ATN1: variants seen among roughly 807,000 people sequenced by gnomAD.
The protein encoded by ATN1 is atrophin-1.
In ATN1, 19 loss-of-function variants were observed where a neutral mutation model predicts 85.8. The ratio of observed to expected loss-of-function variants is 0.22; its 90% CI spans 0.15 to 0.32. The LOEUF (loss-of-function observed/expected upper bound fraction) is 0.32, where lower values mean the gene tolerates loss of function less well. Among genes scored for constraint, ATN1 ranks in the 10% least tolerant of loss-of-function variants. The pLI is 1.00. For missense variants in ATN1, 1,453 were observed against 1,564.5 expected (o/e 0.93, Z 1.20); for synonymous variants, 674 against 657.0 (o/e 1.03, Z -0.39).
rs1801824930 is a variant in ATN1 at position 6,936,788 on chromosome 12, T to C, written c.1521T>C (p.Ser507=). Residue 507 remains serine (S), a synonymous_variant, in exon 5 of 10, where the codon TCT becomes TCC. Coordinates refer to ENST00000396684, the MANE Select transcript of ATN1 (RefSeq NM_001940.4). ...AGCAGCAGCAGCATCACGGAAACTC[T>C]GGGCCCCCTCCTCCTGGAGCATTTC... ...QQQQQQHHGN[S]GPPPPGAFPH... 1.9e-6 allele frequency: 3 copies of C among 1,603,168 alleles called. No homozygotes were observed. The highest frequency in any genetic ancestry group is 2.7e-5 in the African/African-American group (2 of 73,824).
chr12:6,935,151 G>C lies in ATN1; in HGVS notation c.280-396G>C, dbSNP rs142750851. Among the ~76,000 whole-genome samples the C allele has an allele frequency of 0.014, 2,162 of 152,280 alleles. 53 individuals are homozygous for C. Among genetic ancestry groups the C allele is most frequent in the African/African-American group, 0.05 (2,060 of 41,534 alleles). On this transcript the variant is annotated intron_variant, in intron 4 of 9. Coordinates refer to ENST00000396684, the MANE Select transcript of ATN1 (RefSeq NM_001940.4). The surrounding 1 kb of genome is among the most constrained non-coding windows in gnomAD (Gnocchi z 5.3). ...GATCCGCCCGCTTCAGCTTCCCAAAGTGCTGGGATTACAGGTGTAAGCCTC... is the reference window on the plus strand; with the variant it reads ...GATCCGCCCGCTTCAGCTTCCCAAACTGCTGGGATTACAGGTGTAAGCCTC...
At chr12:6,940,564 G>A (rs782771882) in intron 7 of ATN1, among the ~76,000 whole-genome samples, 2 of 152,204 alleles carry the variant, frequency 1.3e-5, no homozygotes, top group African/African-American at 2.4e-5. Context: ...CACTGTGCCC[G>A]GCCTCTTCTT....
Position 6,941,768 on chromosome 12 carries a change from C to T in ATN1, c.3561C>T (p.Asp1187=), listed in dbSNP as rs113128950. The T allele has an allele frequency of 6.2e-7, 1 of 1,610,926 alleles. No individual in the cohort carries two copies. Residue 1187 remains aspartate (D), a synonymous_variant, in exon 10 of 10, where the codon GAC becomes GAT. Coordinates refer to ENST00000396684, the MANE Select transcript of ATN1 (RefSeq NM_001940.4). The surrounding 1 kb of genome is among the most constrained non-coding windows in gnomAD (Gnocchi z 5.9). ...DYYSHLKKES[D]KPL is the part of the protein sequence containing the mutation. Reference sequence around the variant, plus strand: ...CTAGTCACCTGAAGAAGGAAAGCGACAAGCCACTGTAGAACCTGCGATCAA... The same window carrying T: ...CTAGTCACCTGAAGAAGGAAAGCGATAAGCCACTGTAGAACCTGCGATCAA...
chr12:6,941,666 C>T lies in ATN1; in HGVS notation c.3540-81C>T, dbSNP rs782379436. The stretch of plus-strand genomic sequence containing the variant: ...CTGGGGGAGGGAACCCCTCCTCTCC[C>T]AACCCCTTCGGTAAGAGGGGGCAAG... On this transcript the variant is annotated intron_variant, in intron 9 of 9. Transcript: ENST00000396684. This position sits in a 1 kb window ranked among gnomAD's most constrained non-coding sequence, Gnocchi z 5.9. The T allele has an allele frequency of 1.0e-5, 16 of 1,587,494 alleles. No individual in the cohort carries two copies. In the South Asian group the frequency reaches 1.4e-4, roughly 14 times the overall value.
chr12:6,931,574 TGTG>T lies in ATN1; in HGVS notation c.-162-2259_-162-2257del, dbSNP rs1363743196. Among the ~76,000 whole-genome samples the T allele has an allele frequency of 2.0e-5, 3 of 149,746 alleles. No individual in the cohort carries two copies. The East Asian group carries it at 5.9e-4, about 30-fold the overall frequency. ...ACTAAAAATACAAAAATTAGCCAGGTGTGGTGGTGTGCGCTTGTAATCCCAGCT... is the reference window on the plus strand; with the variant it reads ...ACTAAAAATACAAAAATTAGCCAGGTGTGGTGTGCGCTTGTAATCCCAGCT... On this transcript the variant is annotated intron_variant, in intron 1 of 9. Coordinates refer to ENST00000396684, the MANE Select transcript of ATN1 (RefSeq NM_001940.4).
In ATN1 at chr12:6,939,183, A is replaced by AC; in HGVS notation, c.3214+10dup. 6.3e-7 allele frequency: 1 copy of AC among 1,584,360 alleles called. No homozygotes were observed. Among genetic ancestry groups the AC allele is most frequent in the Non-Finnish European group, 8.6e-7 (1 of 1,169,200 alleles). On this transcript the variant is annotated splice_region_variant and intron_variant, in intron 7 of 9. Transcript: ENST00000396684. The stretch of plus-strand genomic sequence containing the variant: ...GCAAGATGCTATCCATGCAGGTGAG[A>AC]CCCCTCCTTCCTTGCCCTGGCCCTT...
Position 6,936,119 on chromosome 12 carries a change from C to T in ATN1, c.852C>T (p.Asn284=), listed in dbSNP as rs1267617659. ...KPPTTPVGGG[N]LPSAPPPANF... ...CTACCACTCCAGTGGGTGGTGGGAA[C>T]CTACCTTCTGCTCCACCACCAGCCA... Residue 284 remains asparagine (N), a synonymous_variant, in exon 5 of 10, where the codon AAC becomes AAT. Coordinates refer to ENST00000396684, the MANE Select transcript of ATN1 (RefSeq NM_001940.4). 6.5e-7 allele frequency: 1 copy of T among 1,530,020 alleles called. No individual in the cohort carries two copies. Among genetic ancestry groups the T allele is most frequent in the Admixed American group, 2.1e-5 (1 of 47,156 alleles). 94.8% of individuals were successfully genotyped at this position (1,530,020 alleles called of 1,614,324 possible). A position where few individuals can be genotyped will look rare whatever the true frequency, so the allele number is the denominator to read the frequency against.
Position 6,934,472 on chromosome 12 carries a change from G to T in ATN1, c.173G>T (p.Arg58Leu). The change falls in exon 4 of 10, where the codon CGA becomes CTA. Residue 58 changes from arginine (R) to leucine (L), a missense_variant. Transcript: ENST00000396684. This position sits in a 1 kb window ranked among gnomAD's most constrained non-coding sequence, Gnocchi z 4.5. ...EKSRQTAKKA[R>L]VEEASTPKVN... ...TCTCTTTCTCTCTAACAGAAGGCCC[G>T]AGTAGAGGAAGCCTCCACCCCAAAG... 1 of 1,592,786 alleles carries T rather than the reference G, an allele frequency of 6.3e-7. No individual in the cohort carries two copies. Among genetic ancestry groups the T allele is most frequent in the South Asian group, 1.1e-5 (1 of 88,420 alleles).
At position 6,936,845 on chromosome 12, in the gene ATN1, C is replaced by A; in HGVS notation, c.1578C>A (p.His526Gln). The A allele has an allele frequency of 6.2e-7, 1 of 1,614,044 alleles. No homozygotes were observed. The highest frequency in any genetic ancestry group is 8.5e-7 in the Non-Finnish European group (1 of 1,179,982). ...PHPLEGGSSH[H>Q]AHPYAMSPSL... ...CACTGGAGGGCGGTAGCTCCCACCACGCACACCCTTACGCCATGTCTCCCT... is the reference window on the plus strand; with the variant it reads ...CACTGGAGGGCGGTAGCTCCCACCAAGCACACCCTTACGCCATGTCTCCCT... Residue 526 changes from histidine (H) to glutamine (Q), a missense_variant, in exon 5 of 10, where the codon CAC becomes CAA. Coordinates refer to ENST00000396684, the MANE Select transcript of ATN1 (RefSeq NM_001940.4).
At position 6,939,186 on chromosome 12, in the gene ATN1, C is replaced by G. The variant is rs1555144365; in HGVS notation, c.3214+9C>G. The G allele has an allele frequency of 1.9e-6, 3 of 1,585,484 alleles. No individual in the cohort carries two copies. Among genetic ancestry groups the G allele is most frequent in the Non-Finnish European group, 2.6e-6 (3 of 1,169,590 alleles). On this transcript the variant is annotated intron_variant, in intron 7 of 9. Transcript: ENST00000396684. ...AGATGCTATCCATGCAGGTGAGACC[C>G]CTCCTTCCTTGCCCTGGCCCTTTGG...
chr12:6,939,990 T>G (rs1447665405), intron 7 of ATN1, among the ~76,000 whole-genome samples: 1 of 152,252 alleles, frequency 6.6e-6, no homozygotes, highest in African/African-American at 2.4e-5. Flanking sequence ...TTTCACCATT[T>G]TTTGGTTTTT....
intron 1 of ATN1, among the ~76,000 whole-genome samples, chr12:6,932,071 A>C (rs1452453598): frequency 6.8e-6 from 1 of 147,724 alleles, no homozygotes; most frequent in Non-Finnish European, 1.5e-5. Context: ...AGACAAGTCT[A>C]CTGGGCAGAG....
intron 6 of ATN1, 140 bp from the exon 7 acceptor site, chr12:6,938,341 G>C: frequency 7.5e-7 from 1 of 1,324,608 alleles, no homozygotes; most frequent in South Asian, 1.5e-5. Flanking sequence ...AGCGGGGGCC[G>C]CAGTTAAGTT....
In ATN1 at chr12:6,937,780, C is replaced by T; in HGVS notation, c.2295-65C>T. Reference sequence around the variant, plus strand: ...GGGCTACAAGCACTCGCCGGGGCCGCGGCGCTGCGGGCTCCATCGGGCAGC... The same window carrying T: ...GGGCTACAAGCACTCGCCGGGGCCGTGGCGCTGCGGGCTCCATCGGGCAGC... On this transcript the variant is annotated intron_variant, in intron 5 of 9. Transcript: ENST00000396684. The surrounding 1 kb of genome is among the most constrained non-coding windows in gnomAD (Gnocchi z 6.0). 1.4e-6 allele frequency: 2 copies of T among 1,475,788 alleles called. No individual in the cohort carries two copies. The highest frequency in any genetic ancestry group is 1.8e-6 in the Non-Finnish European group (2 of 1,114,676). The allele number at this position is 1,475,788 out of a possible 1,614,324, so 91.4% of individuals were successfully genotyped here. A position where few individuals can be genotyped will look rare whatever the true frequency, so the allele number is the denominator to read the frequency against.
Position 6,938,534 on chromosome 12 carries a change from G to A in ATN1, c.2571G>A (p.Val857=). ...TGGAATGCCCATCTCTGGGCCCAGT[G>A]CCCCATCGCCCTCCATTTGAACCGG... ...APVECPSLGP[V]PHRPPFEPGS... The change falls in exon 7 of 10, where the codon GTG becomes GTA. Residue 857 remains valine, a synonymous_variant. Coordinates refer to ENST00000396684, the MANE Select transcript of ATN1 (RefSeq NM_001940.4). 1.2e-6 allele frequency: 2 copies of A among 1,614,066 alleles called. No homozygotes were observed. Among genetic ancestry groups the A allele is most frequent in the Admixed American group, 1.7e-5 (1 of 60,030 alleles).
chr12:6,930,897 T>C (rs1945453799), intron 1 of ATN1, among the ~76,000 whole-genome samples: 1 of 152,168 alleles, frequency 6.6e-6, no homozygotes, highest in Non-Finnish European at 1.5e-5. Flanking sequence ...TGCTCTGTAA[T>C]ATTAGTTACA....
rs781986063 is a variant in ATN1 at position 6,937,029 on chromosome 12, C to T, written c.1762C>T (p.Pro588Ser). 6.2e-7 allele frequency: 1 copy of T among 1,613,912 alleles called. No homozygotes were observed. Among genetic ancestry groups the T allele is most frequent in the East Asian group, 2.2e-5 (1 of 44,868 alleles). ...TSQGSYPCSHPSPSQGPQGAP... is the reference protein window; with the variant it reads ...TSQGSYPCSHSSPSQGPQGAP... ...TCAAGGGTCCTACCCATGTTCACACCCCTCCCCTTCCCAGGGCCCTCAAGG... is the reference window on the plus strand; with the variant it reads ...TCAAGGGTCCTACCCATGTTCACACTCCTCCCCTTCCCAGGGCCCTCAAGG... Residue 588 changes from proline (P) to serine (S), a missense_variant, in exon 5 of 10, where the codon CCC (proline) becomes TCC (serine). Pro to Ser is a moderately conservative substitution (Grantham distance 74). Coordinates refer to ENST00000396684, the MANE Select transcript of ATN1 (RefSeq NM_001940.4). The surrounding 1 kb of genome is among the most constrained non-coding windows in gnomAD (Gnocchi z 6.0).
chr12:6,933,772 AAGC>A, intron 1 of ATN1, 65 bp from the exon 2 acceptor site: 1 of 609,126 alleles, frequency 1.6e-6, no homozygotes. Flanking sequence ...GTTCTCTGAC[AAGC>A]AGAATAGTAT....
chr12:6,935,968 G>A lies in ATN1; in HGVS notation c.701G>A (p.Gly234Asp). The A allele has an allele frequency of 6.3e-7, 1 of 1,590,164 alleles. No homozygotes were observed. Among genetic ancestry groups the A allele is most frequent in the East Asian group, 2.2e-5 (1 of 44,660 alleles). The change falls in exon 5 of 10, where the codon GGT becomes GAT. Residue 234 changes from glycine (G) to aspartate (D), a missense_variant. Coordinates refer to ENST00000396684, the MANE Select transcript of ATN1 (RefSeq NM_001940.4). This position sits in a 1 kb window ranked among gnomAD's most constrained non-coding sequence, Gnocchi z 5.3. ...GGAGTTTTGTCTGGACCCCCAATGG[G>A]TCCCAAGGGGGGAGGGGCTGCCTCA... ...TGGVLSGPPM[G>D]PKGGGAASSV...
Sources: allele counts gnomAD v4.1 joint callset (sites outside exome capture counted in the v4.1 genomes callset), GRCh38; gene constraint gnomAD v4.1.1; non-coding constraint Gnocchi (gnomAD v3.1); transcripts MANE v1.5; gene names NCBI Gene and HGNC (gene_info 2026-07-23, HGNC 2026-07-21).